Variants in C6orf132 observed in about 807,000 individuals in gnomAD.
The protein encoded by C6orf132 is uncharacterized protein C6orf132.
In C6orf132, 43 loss-of-function variants were observed where a neutral mutation model predicts 65.3. That is an observed-to-expected ratio of 0.66 (90% CI 0.52 to 0.85). The LOEUF is 0.85. Among genes scored for constraint, C6orf132 ranks in the 40% least tolerant of loss-of-function variants. The probability of loss-of-function intolerance (pLI) is 0.00; values close to 1 mark genes in which losing one functional copy is unlikely to be tolerated. For missense variants in C6orf132, 1,488 were observed against 1,548.8 expected (o/e 0.96, Z 0.66); for synonymous variants, 631 against 654.1 (o/e 0.96, Z 0.54).
intron 2 of C6orf132, among the ~76,000 whole-genome samples, chr6:42,120,910 C>T (rs1249607431): frequency 2.6e-5 from 4 of 152,188 alleles, no homozygotes; most frequent in Admixed American, 2.0e-4. Context: ...CATGAGCCAC[C>T]GCGCCTGGCC....
rs372693124 is a variant in C6orf132 at position 42,121,679 on chromosome 6, C to T, written c.252+6993G>A. 3.9e-5 allele frequency among the ~76,000 whole-genome samples: 6 copies of T among 152,374 alleles called. No individual in the cohort carries two copies. In the East Asian group the frequency reaches 9.6e-4, roughly 24 times the overall value. On this transcript the variant is annotated intron_variant, in intron 2 of 4. Transcript: ENST00000341865. ...AGCAGCCAGCTCGGAGTCTTAGCTA[C>T]GCATCGTGGAATGCAAACTTCCTCA... is the stretch of plus-strand genomic sequence containing the variant.
At chr6:42,127,434 C>A (rs990746248) in intron 2 of C6orf132, among the ~76,000 whole-genome samples, 3 of 152,068 alleles carry the variant, frequency 2.0e-5, no homozygotes, top group African/African-American at 7.2e-5. Flanking sequence ...CATCTAGAAT[C>A]TTAGGTCTGA....
rs532101666 is a variant in C6orf132, at chr6:42,136,690, T to G, written c.145+5610A>C. ...TTTAATGAGGCCTTTCCTTGCTAAT[T>G]AGCAAGTCCACAGGACAGGAGCCTA... On this transcript the variant is annotated intron_variant, in intron 1 of 4. Coordinates refer to ENST00000341865, the MANE Select transcript of C6orf132 (RefSeq NM_001164446.3). Among the ~76,000 whole-genome samples the G allele has an allele frequency of 1.4e-3, 220 of 152,200 alleles. 1 individual carries two copies. Among genetic ancestry groups the G allele is most frequent in the African/African-American group, 5.1e-3 (211 of 41,522 alleles).
chr6:42,109,562 A>G (rs1766465964), intron 3 of C6orf132, among the ~76,000 whole-genome samples: 1 of 152,160 alleles, frequency 6.6e-6, no homozygotes, highest in South Asian at 2.1e-4. Flanking sequence ...CTAACCTGAG[A>G]GGTCTGCAGT....
At chr6:42,120,965 C>T (rs1015621577) in intron 2 of C6orf132, among the ~76,000 whole-genome samples, 3 of 152,160 alleles carry the variant, frequency 2.0e-5, no homozygotes, top group African/African-American at 7.2e-5. Context: ...AAAACATCAA[C>T]TTAGGAGTCA....
At chr6:42,140,239 G>A (rs1767011174) in intron 1 of C6orf132, among the ~76,000 whole-genome samples, 1 of 152,266 alleles carries the variant, frequency 6.6e-6, no homozygotes, top group Non-Finnish European at 1.5e-5. Context: ...GCTGATGAGG[G>A]CAGCAGCTGG....
chr6:42,129,093 T>A (rs1184017845), intron 1 of C6orf132, among the ~76,000 whole-genome samples: 1 of 150,122 alleles, frequency 6.7e-6, no homozygotes, highest in Non-Finnish European at 1.5e-5. Context: ...TGGTCCCTCG[T>A]TTTTGGAGCC....
At position 42,105,399 on chromosome 6, in the gene C6orf132, G is replaced by A. The variant is rs1238258185; in HGVS notation, c.2513C>T (p.Pro838Leu). The A allele has an allele frequency of 5.2e-6, 8 of 1,535,570 alleles. No individual in the cohort carries two copies. The highest frequency in any genetic ancestry group is 1.4e-5 in the African/African-American group (1 of 73,024). ...VTGEVVERGSPMALLLAARQR... is the reference protein window; with the variant it reads ...VTGEVVERGSLMALLLAARQR... ...CCTGGCCGCCAGGAGCAGGGCCATC[G>A]GCGAGCCCCGCTCCACCACCTCCCC... The change falls in exon 4 of 5, where the codon CCG (proline) becomes CTG (leucine). Residue 838 changes from proline to leucine, a missense_variant. Pro to Leu is a moderately conservative substitution (Grantham distance 98). Coordinates refer to ENST00000341865, the MANE Select transcript of C6orf132 (RefSeq NM_001164446.3).
At chr6:42,129,726 T>C (rs957926930) in intron 1 of C6orf132, among the ~76,000 whole-genome samples, 11 of 152,214 alleles carry the variant, frequency 7.2e-5, no homozygotes. Context: ...CAGGGATCGC[T>C]GTGGCCCTCC....
At position 42,107,368 on chromosome 6, in the gene C6orf132, GTGGGGGTTCC is replaced by G; in HGVS notation, c.534_543del (p.Glu179ProfsTer43). ...GGAGGTGGGGCCATGCTGGGCGGGG[GTGGGGGTTCC>G]AGCAGCAGGGGAGGTGGTGGGGGTG... On this transcript the variant is annotated frameshift_variant, in exon 4 of 5. Transcript: ENST00000341865. LOFTEE classifies it high-confidence loss of function. 1 of 861,966 alleles carries G rather than the reference GTGGGGGTTCC, an allele frequency of 1.2e-6. No individual in the cohort carries two copies. Among genetic ancestry groups the G allele is most frequent in the Non-Finnish European group, 1.8e-6 (1 of 571,102 alleles). 53.4% of individuals were successfully genotyped at this position (861,966 alleles called of 1,614,324 possible). A position where few individuals can be genotyped will look rare whatever the true frequency, so the allele number is the denominator to read the frequency against.
Position 42,104,967 on chromosome 6 carries a change from T to C in C6orf132, c.2945A>G (p.Asn982Ser), listed in dbSNP as rs1389021526. 10 of 1,494,804 alleles carry C rather than the reference T, an allele frequency of 6.7e-6. No individual in the cohort carries two copies. The highest frequency in any genetic ancestry group is 1.8e-6 in the Non-Finnish European group (2 of 1,126,208). 92.6% of individuals were successfully genotyped at this position (1,494,804 alleles called of 1,614,324 possible). ...TGGCGGCGGTGGGATGACCTCGAAG[T>C]TGAACTCCTCCTCCTCCTCCTCCCT... ...NKREEEEEEF[N>S]FEVIPPPPEF... is the part of the protein sequence containing the mutation. The change falls in exon 4 of 5, where the codon AAC becomes AGC. Residue 982 changes from asparagine to serine, a missense_variant. Physicochemically the swap from Asn to Ser is conservative, Grantham distance 46. Transcript: ENST00000341865. This position sits in a 1 kb window ranked among gnomAD's most constrained non-coding sequence, Gnocchi z 4.1.
At chr6:42,110,774 A>G (rs1766482510) in intron 2 of C6orf132, among the ~76,000 whole-genome samples, 1 of 152,252 alleles carries the variant, frequency 6.6e-6, no homozygotes, top group African/African-American at 2.4e-5. Context: ...CTAAAACAAG[A>G]AGGCATAGAA....
chr6:42,123,768 C>A lies in C6orf132; in HGVS notation c.252+4904G>T, dbSNP rs77162243. The stretch of plus-strand genomic sequence containing the variant: ...GGCTCCTATCCCTGCTTCTATCGAG[C>A]CCAGTGGCCTGGACAGGGCCCTCCC... On this transcript the variant is annotated intron_variant, in intron 2 of 4. Transcript: ENST00000341865. Among the ~76,000 whole-genome samples the A allele has an allele frequency of 4.3e-3, 648 of 152,220 alleles. 5 individuals carry two copies. Among genetic ancestry groups the A allele is most frequent in the African/African-American group, 0.014 (597 of 41,544 alleles).
intron 3 of C6orf132, among the ~76,000 whole-genome samples, chr6:42,108,318 T>A (rs946771311): frequency 5.9e-5 from 9 of 152,112 alleles, no homozygotes; most frequent in African/African-American, 2.2e-4. Flanking sequence ...GTTGTGAGGA[T>A]TAAATGAGAG....
chr6:42,117,069 C>T (rs1369773095), intron 2 of C6orf132, among the ~76,000 whole-genome samples: 3 of 152,148 alleles, frequency 2.0e-5, no homozygotes, highest in Non-Finnish European at 1.5e-5. Context: ...CTGGCAAACT[C>T]CTAGGTATCC....
In C6orf132 at chr6:42,128,733, G is replaced by A; in HGVS notation, c.191C>T (p.Ser64Leu). Residue 64 changes from serine (S) to leucine (L), a missense_variant, in exon 2 of 5, where the codon TCA becomes TTA. Physicochemically the swap from Ser to Leu is moderately radical, Grantham distance 145. Transcript: ENST00000341865. ...CCGAGCTTTCAGCGTGGCTGTTCCT[G>A]ACTCGCTCACTGTGTTAAACCGATT... ...GDNRFNTVSE[S>L]GTATLKARPR... is the part of the protein sequence containing the mutation. The A allele has an allele frequency of 2.6e-6, 4 of 1,551,544 alleles. No individual in the cohort carries two copies. Among genetic ancestry groups the A allele is most frequent in the Non-Finnish European group, 3.5e-6 (4 of 1,146,968 alleles).
rs531356661 is a variant in C6orf132 at position 42,109,418 on chromosome 6, G to T, written c.328+798C>A. Among the ~76,000 whole-genome samples, 3 of 149,366 alleles carry T rather than the reference G, an allele frequency of 2.0e-5. No individual in the cohort carries two copies. In the South Asian group the frequency reaches 6.3e-4, roughly 31 times the overall value. Reference sequence around the variant, plus strand: ...CTGCCCTCCAGCCTGGCAACAGAGCGAGACTCCATCTCAAATAAATAAATA... The same window carrying T: ...CTGCCCTCCAGCCTGGCAACAGAGCTAGACTCCATCTCAAATAAATAAATA... On this transcript the variant is annotated intron_variant, in intron 3 of 4. Transcript: ENST00000341865.
chr6:42,106,159 T>C lies in C6orf132; in HGVS notation c.1753A>G (p.Ser585Gly). 2 of 1,537,232 alleles carry C rather than the reference T, an allele frequency of 1.3e-6. No individual in the cohort carries two copies. The highest frequency in any genetic ancestry group is 1.7e-6 in the Non-Finnish European group (2 of 1,146,904). The change falls in exon 4 of 5, where the codon AGC (serine) becomes GGC (glycine). Residue 585 changes from serine to glycine, a missense_variant. Transcript: ENST00000341865. ...SSAAEKEAKP[S>G]IGSLPPKPRL... ...GGCTTAGGGGGCAGAGATCCTATGC[T>C]GGGCTTAGCCTCCTTCTCTGCTGCT...
At chr6:42,109,941 T>C (rs1377696107) in intron 3 of C6orf132, among the ~76,000 whole-genome samples, 3 of 152,204 alleles carry the variant, frequency 2.0e-5, no homozygotes, top group Non-Finnish European at 2.9e-5. Flanking sequence ...TCTTCCACTT[T>C]ATGCTGCACT....
Sources: allele counts gnomAD v4.1 joint callset (sites outside exome capture counted in the v4.1 genomes callset), GRCh38; gene constraint gnomAD v4.1.1; non-coding constraint Gnocchi (gnomAD v3.1); transcripts MANE v1.5; gene names NCBI Gene and HGNC (gene_info 2026-07-23, HGNC 2026-07-21).